Variants in BAALC observed in about 807,000 individuals in gnomAD.
The protein encoded by BAALC is brain and acute leukemia cytoplasmic protein.
A neutral mutation model predicts 15.5 loss-of-function variants in BAALC; 9 were observed. The ratio of observed to expected loss-of-function variants is 0.58; its 90% confidence interval spans 0.35 to 1.02. The LOEUF (loss-of-function observed/expected upper bound fraction) is 1.02. Ranked by LOEUF, BAALC falls within the 50% of genes least tolerant of loss-of-function variation. BAALC has a pLI of 0.02. For synonymous variants in BAALC, 80 were observed against 74.6 expected, an observed-to-expected ratio of 1.07 and a Z score of -0.37; for missense variants, 201 against 192.4, an observed-to-expected ratio of 1.04 and a Z score of -0.27.
intron 1 of BAALC, among the ~76,000 whole-genome samples, chr8:103,154,138 G>A (rs180672447): frequency 1.1e-4 from 16 of 152,314 alleles, no homozygotes; most frequent in Admixed American, 9.8e-4. Context: ...ACACAGCTAC[G>A]ACCTCATGGT....
intron 1 of BAALC, chr8:103,191,103 G>A: frequency 6.5e-6 from 1 of 152,806 alleles, no homozygotes; most frequent in Non-Finnish European, 1.5e-5. Flanking sequence ...GGAGGCTGAG[G>A]CAGAAGAATC....
intron 1 of BAALC, among the ~76,000 whole-genome samples, chr8:103,148,664 C>A (rs892377885): frequency 8.5e-5 from 13 of 152,160 alleles, no homozygotes; most frequent in African/African-American, 3.1e-4. Context: ...TTGTAACCGG[C>A]CTGCTGATAT....
intron 1 of BAALC, among the ~76,000 whole-genome samples, chr8:103,168,935 A>T (rs1811413272): frequency 6.6e-6 from 1 of 152,096 alleles, no homozygotes; most frequent in African/African-American, 2.4e-5. Flanking sequence ...CGGGGTATAA[A>T]ATCTCATTTC....
chr8:103,229,856 A>AGAT lies in BAALC; in HGVS notation c.*1758_*1760dup, dbSNP rs1268970516. ...CTAAAAAATGTTTTTAACAATAATA[A>AGAT]GATAAAAGAAAAACCTGTGATTCAT... is the stretch of plus-strand genomic sequence containing the variant. On this transcript the variant is annotated 3_prime_UTR_variant, in exon 3 of 3. Transcript: ENST00000309982. 1 of 152,192 alleles carries AGAT rather than the reference A, an allele frequency of 6.6e-6. No homozygotes were observed. The highest frequency in any genetic ancestry group is 1.5e-5 in the Non-Finnish European group (1 of 68,020). 9.4% of individuals were successfully genotyped at this position (152,192 alleles called of 1,614,324 possible).
rs1213667918 is a variant in BAALC at position 103,140,837 on chromosome 8, G to T, written c.-61G>T. On this transcript the variant is annotated 5_prime_UTR_variant, in exon 1 of 3. Coordinates refer to ENST00000309982, the MANE Select transcript of BAALC (RefSeq NM_024812.3). This position sits in a 1 kb window ranked among gnomAD's most constrained non-coding sequence, Gnocchi z 4.2. ...TGCGGGCCGGGGCTGCGCCTCCGGGGCTGAGCCGCCGCCAGAGCCGACAGC... is the reference window on the plus strand; with the variant it reads ...TGCGGGCCGGGGCTGCGCCTCCGGGTCTGAGCCGCCGCCAGAGCCGACAGC... 6 of 1,380,620 alleles carry T rather than the reference G, an allele frequency of 4.3e-6. No homozygotes were observed. Among genetic ancestry groups the T allele is most frequent in the Non-Finnish European group, 5.6e-6 (6 of 1,065,722 alleles). The allele number at this position is 1,380,620 out of a possible 1,614,324, so 85.5% of individuals were successfully genotyped here.
At chr8:103,173,187 C>T (rs978940631) in intron 1 of BAALC, among the ~76,000 whole-genome samples, 9 of 152,180 alleles carry the variant, frequency 5.9e-5, no homozygotes, top group African/African-American at 2.2e-4. Context: ...ATCCACGGCA[C>T]TTACTGCAAG....
At chr8:103,150,380 T>C (rs1586373071) in intron 1 of BAALC, among the ~76,000 whole-genome samples, 1 of 148,678 alleles carries the variant, frequency 6.7e-6, no homozygotes, top group Non-Finnish European at 1.5e-5. Flanking sequence ...TGGCTGGGTG[T>C]GTCTGTGTGT....
chr8:103,176,228 C>T (rs952906261), intron 1 of BAALC, among the ~76,000 whole-genome samples: 7 of 152,182 alleles, frequency 4.6e-5, no homozygotes, highest in African/African-American at 1.4e-4. Flanking sequence ...GGCTCTCTCA[C>T]GCATACATGC....
intron 2 of BAALC, among the ~76,000 whole-genome samples, chr8:103,215,313 G>A (rs2130072636): frequency 6.6e-6 from 1 of 152,288 alleles, no homozygotes; most frequent in South Asian, 2.1e-4. Flanking sequence ...ACATGAATAA[G>A]GCCATATAAG....
intron 1 of BAALC, among the ~76,000 whole-genome samples, chr8:103,170,840 G>A (rs769763070): frequency 3.5e-4 from 53 of 152,158 alleles, no homozygotes; most frequent in Non-Finnish European, 7.1e-4. Context: ...AGTATTCTTA[G>A]AAATGGAAGA....
chr8:103,189,811 G>A (rs769904657), intron 1 of BAALC, among the ~76,000 whole-genome samples: 1 of 152,210 alleles, frequency 6.6e-6, no homozygotes, highest in Non-Finnish European at 1.5e-5. Flanking sequence ...AGACAGAGGT[G>A]TTTGGACCAG....
chr8:103,223,293 A>G (rs1037522268), intron 2 of BAALC, among the ~76,000 whole-genome samples: 6 of 151,588 alleles, frequency 4.0e-5, no homozygotes, highest in African/African-American at 1.5e-4. Context: ...TGTGACAGAG[A>G]GAGACTGTCT....
chr8:103,210,236 G>T (rs1168253239), intron 1 of BAALC, among the ~76,000 whole-genome samples: 5 of 152,242 alleles, frequency 3.3e-5, no homozygotes, highest in African/African-American at 1.2e-4. Context: ...AAGCCTAGCT[G>T]CAGGAATCCA....
chr8:103,187,959 C>T (rs1811880332), intron 1 of BAALC, among the ~76,000 whole-genome samples: 1 of 152,100 alleles, frequency 6.6e-6, no homozygotes, highest in African/African-American at 2.4e-5. Flanking sequence ...TTGAAGTTTA[C>T]ACTGTGTGTC....
intron 1 of BAALC, among the ~76,000 whole-genome samples, chr8:103,172,677 G>A (rs1468900563): frequency 1.3e-5 from 2 of 152,092 alleles, no homozygotes; most frequent in Non-Finnish European, 2.9e-5. Context: ...TTACAGACAT[G>A]AGCCACCATG....
chr8:103,183,556 GC>G, intron 1 of BAALC: 1 of 666,616 alleles, frequency 1.5e-6, no homozygotes. Flanking sequence ...GCTTGGGAGA[GC>G]CTCTCAGGCC....
In BAALC at chr8:103,140,734, G is replaced by A; in HGVS notation, c.-164G>A. The stretch of plus-strand genomic sequence containing the variant: ...GGCTGGGAGAGGGCCCGGACTAGGG[G>A]CGGCGGGCACCGCAGGAGCTCCGCG... On this transcript the variant is annotated 5_prime_UTR_variant, in exon 1 of 3. Transcript: ENST00000309982. This position sits in a 1 kb window ranked among gnomAD's most constrained non-coding sequence, Gnocchi z 4.2. 2.5e-6 allele frequency: 1 copy of A among 399,908 alleles called. No homozygotes were observed. Among genetic ancestry groups the A allele is most frequent in the Non-Finnish European group, 3.7e-6 (1 of 267,760 alleles). 24.8% of individuals were successfully genotyped at this position (399,908 alleles called of 1,614,324 possible).
At chr8:103,175,027 A>G (rs1811576724) in intron 1 of BAALC, among the ~76,000 whole-genome samples, 1 of 152,256 alleles carries the variant, frequency 6.6e-6, no homozygotes, top group South Asian at 2.1e-4. Context: ...TCCACCCAGG[A>G]TAACTCCAGG....
At position 103,162,473 on chromosome 8, in the gene BAALC, C is replaced by A. The variant is rs151149990; in HGVS notation, c.160+21416C>A. Reference sequence around the variant, plus strand: ...TCTCGGTACAGTCCCAGCACTTCTCCATATGCTCTTTCTGCAAGGGCTAGT... The same window carrying A: ...TCTCGGTACAGTCCCAGCACTTCTCAATATGCTCTTTCTGCAAGGGCTAGT... On this transcript the variant is annotated intron_variant, in intron 1 of 2. Transcript: ENST00000309982. Among the ~76,000 whole-genome samples the A allele has an allele frequency of 2.0e-3, 305 of 152,316 alleles. 1 individual carries two copies. The highest frequency in any genetic ancestry group is 6.8e-3 in the African/African-American group (284 of 41,584).
Sources: allele counts gnomAD v4.1 joint callset (sites outside exome capture counted in the v4.1 genomes callset), GRCh38; gene constraint gnomAD v4.1.1; non-coding constraint Gnocchi (gnomAD v3.1); transcripts MANE v1.5; gene names NCBI Gene and HGNC (gene_info 2026-07-23, HGNC 2026-07-21).